BICC1: variants seen among roughly 807,000 people sequenced by gnomAD.
The protein encoded by BICC1 is BicC family RNA binding protein 1.
Under a neutral mutation model 111.0 loss-of-function variants are expected in BICC1, and 43 were observed. That is an observed-to-expected ratio of 0.39 (90% CI 0.30 to 0.50). BICC1 has a LOEUF of 0.50. Ranked by LOEUF, BICC1 falls within the 20% of genes least tolerant of loss-of-function variation. The pLI is 0.88. For synonymous variants in BICC1, 467 were observed against 434.4 expected, an observed-to-expected ratio of 1.07 and a Z score of -0.93; for missense variants, 1,091 against 1,203.2, an observed-to-expected ratio of 0.91 and a Z score of 1.38.
intron 17 of BICC1, among the ~76,000 whole-genome samples, chr10:58,812,449 C>T (rs1237024632): frequency 6.6e-6 from 1 of 151,730 alleles, no homozygotes; most frequent in Non-Finnish European, 1.5e-5. Flanking sequence ...CGACTGGCAC[C>T]TCTGTGATTC....
At chr10:58,730,490 C>T (rs1841254010) in intron 3 of BICC1, among the ~76,000 whole-genome samples, 1 of 152,092 alleles carries the variant, frequency 6.6e-6, no homozygotes. Flanking sequence ...GCCTTCTACT[C>T]ACAGCTCCAC....
intron 3 of BICC1, among the ~76,000 whole-genome samples, chr10:58,719,792 T>C (rs1311677467): frequency 6.6e-6 from 1 of 152,220 alleles, no homozygotes; most frequent in African/African-American, 2.4e-5. Context: ...AATTTGAAGT[T>C]AATTCAACAG....
At chr10:58,739,373 C>G (rs1310327759) in intron 3 of BICC1, among the ~76,000 whole-genome samples, 1 of 152,040 alleles carries the variant, frequency 6.6e-6, no homozygotes, top group Non-Finnish European at 1.5e-5. Flanking sequence ...TGTTTATATG[C>G]TGGATTACAT....
intron 2 of BICC1, among the ~76,000 whole-genome samples, chr10:58,680,648 T>G (rs1198490619): frequency 6.6e-6 from 1 of 152,212 alleles, no homozygotes; most frequent in Middle Eastern, 3.2e-3. Flanking sequence ...TACCATTGAC[T>G]TTCTTCACAG....
At chr10:58,745,599 A>ACCCCC (rs1564589090) in intron 3 of BICC1, among the ~76,000 whole-genome samples, 20 of 41,696 alleles carry the variant, frequency 4.8e-4, no homozygotes, top group East Asian at 1.1e-3. Context: ...AGAGCCCCCC[A>ACCCCC]CCGCCCCCCC....
rs2393503 is a variant in BICC1 at position 58,798,365 on chromosome 10, A to T, written c.1367-34A>T. 0.7 allele frequency: 1,034,102 copies of T among 1,473,564 alleles called. 366,380 individuals carry two copies. Among genetic ancestry groups the T allele is most frequent in the Admixed American group, 0.74 (31,322 of 42,252 alleles). 91.3% of individuals were successfully genotyped at this position (1,473,564 alleles called of 1,614,324 possible). ...ATCTCTATTTTAAAATCTTAAATTT[A>T]TGTGAATTGACTTTATATATTCATT... On this transcript the variant is annotated intron_variant, in intron 10 of 20. Transcript: ENST00000373886.
chr10:58,564,306 T>A (rs1405751964), intron 1 of BICC1, among the ~76,000 whole-genome samples: 1 of 152,206 alleles, frequency 6.6e-6, no homozygotes, highest in Non-Finnish European at 1.5e-5. Flanking sequence ...GCTTTTTCAG[T>A]GAGGCTTGAA....
intron 2 of BICC1, among the ~76,000 whole-genome samples, chr10:58,639,544 C>T (rs1411464018): frequency 5.4e-5 from 8 of 148,036 alleles, no homozygotes; most frequent in African/African-American, 1.7e-4. Flanking sequence ...ATTACAGGCG[C>T]CTGCCACCAC....
intron 1 of BICC1, among the ~76,000 whole-genome samples, chr10:58,615,413 A>G (rs1845569395): frequency 6.6e-6 from 1 of 151,922 alleles, no homozygotes; most frequent in Non-Finnish European, 1.5e-5. Flanking sequence ...CAGGCTCCCA[A>G]CTCCACTCAT....
chr10:58,613,625 C>T (rs1393529893), intron 1 of BICC1, among the ~76,000 whole-genome samples: 2 of 152,152 alleles, frequency 1.3e-5, no homozygotes, highest in Non-Finnish European at 1.5e-5. Flanking sequence ...TCAGATCTAA[C>T]GGTAGCTGTC....
intron 1 of BICC1, among the ~76,000 whole-genome samples, chr10:58,618,796 A>C (rs1241223229): frequency 1.3e-5 from 2 of 152,234 alleles, no homozygotes; most frequent in African/African-American, 4.8e-5. Context: ...AAAACAACAG[A>C]AATCTTACTT....
chr10:58,715,874 C>G, intron 3 of BICC1: 2 of 1,209,658 alleles, frequency 1.7e-6, no homozygotes, highest in Non-Finnish European at 2.4e-6. Context: ...TATTCATCTT[C>G]TTCATCAAGC....
rs1390406442 is a variant in BICC1, at chr10:58,803,087, A to C, written c.2026A>C (p.Arg676=). The change falls in exon 15 of 21, where the codon AGG becomes CGG. Residue 676 remains arginine (R), a synonymous_variant. Transcript: ENST00000373886. The stretch of plus-strand genomic sequence containing the variant: ...ACTCTTATTTCACAGCAGCACTGAC[A>C]GGTTGCTCTCAGACCCTGAACTGAG... ...TKNSHLHSTD[R]LLSDPELSAT... is the part of the protein sequence containing the mutation. 1 of 1,599,246 alleles carries C rather than the reference A, an allele frequency of 6.3e-7. No individual in the cohort carries two copies. Among genetic ancestry groups the C allele is most frequent in the Admixed American group, 1.7e-5 (1 of 57,594 alleles).
At chr10:58,610,202 C>T (rs1845371378) in intron 1 of BICC1, among the ~76,000 whole-genome samples, 1 of 152,184 alleles carries the variant, frequency 6.6e-6, no homozygotes, top group Non-Finnish European at 1.5e-5. Flanking sequence ...TATTTCCCTA[C>T]ATTTGATAGC....
At chr10:58,661,249 C>A (rs1394397135) in intron 2 of BICC1, among the ~76,000 whole-genome samples, 1 of 148,908 alleles carries the variant, frequency 6.7e-6, no homozygotes, top group Non-Finnish European at 1.5e-5. Context: ...TTCTCTCATG[C>A]CAATCCTTGT....
intron 17 of BICC1, among the ~76,000 whole-genome samples, chr10:58,813,464 CTT>C (rs1589165080): frequency 6.6e-6 from 1 of 152,114 alleles, no homozygotes; most frequent in Non-Finnish European, 1.5e-5. Flanking sequence ...GGCAGAGAAT[CTT>C]TGCTCTACCA....
chr10:58,800,710 A>G (rs964980269), intron 13 of BICC1, among the ~76,000 whole-genome samples, 180 bp from the exon 14 acceptor site: 1 of 152,258 alleles, frequency 6.6e-6, no homozygotes, highest in East Asian at 1.9e-4. Context: ...CTTCTCTTCA[A>G]ATTGAGTTTT....
At chr10:58,819,104 A>G (rs1044027935) in intron 19 of BICC1, among the ~76,000 whole-genome samples, 6 of 152,198 alleles carry the variant, frequency 3.9e-5, no homozygotes, top group African/African-American at 1.4e-4. Context: ...ATTGGAACAC[A>G]GCCACATTCA....
intron 1 of BICC1, among the ~76,000 whole-genome samples, chr10:58,545,647 G>C (rs1396838237): frequency 1.3e-5 from 2 of 152,102 alleles, no homozygotes; most frequent in African/African-American, 4.8e-5. Context: ...TCAAATAACT[G>C]ATTTTTCCAT....
Sources: allele counts gnomAD v4.1 joint callset (sites outside exome capture counted in the v4.1 genomes callset), GRCh38; gene constraint gnomAD v4.1.1; transcripts MANE v1.5; gene names NCBI Gene and HGNC (gene_info 2026-07-23, HGNC 2026-07-21).